Variants in IKZF1 observed in about 807,000 individuals in gnomAD.
IKZF1 encodes IKAROS family zinc finger 1.
Under a neutral mutation model 51.7 loss-of-function variants are expected in IKZF1, and 10 were observed. The observed-to-expected ratio is 0.19, with a 90% CI of 0.12 to 0.33. The LOEUF is 0.33. IKZF1 is among the 10% of genes least tolerant of loss of function. The pLI is 1.00. For synonymous variants in IKZF1, 280 were observed against 282.3 expected, an observed-to-expected ratio of 0.99 and a Z score of 0.08; for missense variants, 484 against 707.5, an observed-to-expected ratio of 0.68 and a Z score of 3.58.
At chr7:50,324,425 T>C (rs1794298871) in intron 2 of IKZF1, among the ~76,000 whole-genome samples, 1 of 152,210 alleles carries the variant, frequency 6.6e-6, no homozygotes, top group Non-Finnish European at 1.5e-5. Flanking sequence ...ACCATCCAGT[T>C]CTGACTCTTT....
At position 50,304,910 on chromosome 7, in the gene IKZF1, C is replaced by G. The variant is rs1788408821; in HGVS notation, c.-27C>G. The G allele has an allele frequency of 6.6e-6, 1 of 152,412 alleles. No individual in the cohort carries two copies. Among genetic ancestry groups the G allele is most frequent in the African/African-American group, 2.4e-5 (1 of 41,336 alleles). The allele number at this position is 152,412 out of a possible 1,614,324, so 9.4% of individuals were successfully genotyped here. A position where few individuals can be genotyped will look rare whatever the true frequency, so the allele number is the denominator to read the frequency against. On this transcript the variant is annotated 5_prime_UTR_variant, in exon 1 of 8. Transcript: ENST00000331340. ...GATCAGTCTTGGCCCCAAAGCGCGA[C>G]GCACAAATCCACGTGAGTGTTTTCA...
At chr7:50,375,535 A>G (rs1467528721) in intron 3 of IKZF1, among the ~76,000 whole-genome samples, 3 of 152,228 alleles carry the variant, frequency 2.0e-5, no homozygotes, top group Non-Finnish European at 4.4e-5. Flanking sequence ...GGATTCACCA[A>G]TGTATCATCA....
rs553572846 is a variant in IKZF1 at position 50,309,141 on chromosome 7, G to A, written c.-15+4219G>A. Among the ~76,000 whole-genome samples the A allele has an allele frequency of 6.6e-5, 10 of 152,290 alleles. No homozygotes were observed. In the East Asian group the frequency reaches 9.6e-4, roughly 15 times the overall value. On this transcript the variant is annotated intron_variant, in intron 1 of 7. Transcript: ENST00000331340. ...CTGATAGCTCGTGGCGCGGGGCCAC[G>A]GCTTAACAAATGGCTGAAAATGGGT...
At chr7:50,397,802 A>G (rs1562905144) in intron 7 of IKZF1, among the ~76,000 whole-genome samples, 1 of 152,212 alleles carries the variant, frequency 6.6e-6, no homozygotes, top group Non-Finnish European at 1.5e-5. Context: ...CCCTACCATC[A>G]GCTTCATAGG....
chr7:50,400,866 T>A lies in IKZF1; in HGVS notation c.*239T>A. 1 of 558,966 alleles carries A rather than the reference T, an allele frequency of 1.8e-6. No individual in the cohort carries two copies. The highest frequency in any genetic ancestry group is 3.1e-6 in the Non-Finnish European group (1 of 321,322). 34.6% of individuals were successfully genotyped at this position (558,966 alleles called of 1,614,324 possible). A position where few individuals can be genotyped will look rare whatever the true frequency, so the allele number is the denominator to read the frequency against. ...GGAGCATCCAGAACTGCTACCTTCCTAGATGTTTCCCCAGACCGCTGGCTG... is the reference window on the plus strand; with the variant it reads ...GGAGCATCCAGAACTGCTACCTTCCAAGATGTTTCCCCAGACCGCTGGCTG... On this transcript the variant is annotated 3_prime_UTR_variant, in exon 8 of 8. Coordinates refer to ENST00000331340, the MANE Select transcript of IKZF1 (RefSeq NM_006060.6). The surrounding 1 kb of genome is among the most constrained non-coding windows in gnomAD (Gnocchi z 5.4).
chr7:50,314,788 C>G, intron 1 of IKZF1, among the ~76,000 whole-genome samples: 1 of 152,320 alleles, frequency 6.6e-6, no homozygotes, highest in African/African-American at 2.4e-5. Flanking sequence ...GCCACACTCT[C>G]CTTTGGGATG....
chr7:50,305,910 G>A (rs935472139), intron 1 of IKZF1, among the ~76,000 whole-genome samples: 1 of 152,152 alleles, frequency 6.6e-6, no homozygotes, highest in African/African-American at 2.4e-5. Flanking sequence ...TGAGTCGAGG[G>A]GTGGGGGGGA....
chr7:50,349,824 A>G (rs11765988), intron 3 of IKZF1, among the ~76,000 whole-genome samples: 41,414 of 152,142 alleles, frequency 0.27, 5,969 homozygotes, highest in Middle Eastern at 0.34. Flanking sequence ...GAGGGCATTC[A>G]TGCTTATGTT....
At chr7:50,397,880 A>T (rs1817123007) in intron 7 of IKZF1, among the ~76,000 whole-genome samples, 1 of 152,122 alleles carries the variant, frequency 6.6e-6, no homozygotes, top group Non-Finnish European at 1.5e-5. Flanking sequence ...CTCTAATCAG[A>T]GTATGTGCCA....
chr7:50,334,567 G>T (rs1282755731), intron 3 of IKZF1, among the ~76,000 whole-genome samples: 1 of 150,472 alleles, frequency 6.6e-6, no homozygotes, highest in African/African-American at 2.4e-5. Context: ...TGTATATGGG[G>T]TGTGTATGTG....
rs115114899 is a variant in IKZF1, at chr7:50,312,091, A to T, written c.-14-6957A>T. The stretch of plus-strand genomic sequence containing the variant: ...GCTGCACAGCTCCTGACCATGCATG[A>T]AGGTCCTCTGAAATCGGTAAGAGGG... On this transcript the variant is annotated intron_variant, in intron 1 of 7. Transcript: ENST00000331340. Among the ~76,000 whole-genome samples the T allele has an allele frequency of 5.9e-3, 904 of 152,284 alleles. 9 individuals carry two copies. The highest frequency in any genetic ancestry group is 0.021 in the African/African-American group (864 of 41,546).
intron 1 of IKZF1, chr7:50,318,257 T>C: frequency 4.3e-6 from 1 of 231,524 alleles, no homozygotes; most frequent in East Asian, 6.1e-5. Flanking sequence ...ACATTCACTA[T>C]GGTCATCGAA....
chr7:50,402,272 T>C lies in IKZF1; in HGVS notation c.*1645T>C, dbSNP rs1818264107. 10 of 230,958 alleles carry C rather than the reference T, an allele frequency of 4.3e-5. No individual in the cohort carries two copies. The highest frequency in any genetic ancestry group is 4.3e-4 in the East Asian group (7 of 16,386). The allele number at this position is 230,958 out of a possible 1,614,324, so 14.3% of individuals were successfully genotyped here. ...GTGAAATGAAGCAACAGAGAGGAAA[T>C]TGTACATAAGTACCTCAGCATTTAA... On this transcript the variant is annotated 3_prime_UTR_variant, in exon 8 of 8. Transcript: ENST00000331340.
chr7:50,363,848 A>G (rs546020911), intron 3 of IKZF1, among the ~76,000 whole-genome samples: 1 of 152,260 alleles, frequency 6.6e-6, no homozygotes, highest in East Asian at 1.9e-4. Flanking sequence ...ATCCACCTCC[A>G]CCTTGCTGTC....
chr7:50,389,785 G>A (rs1814508615), intron 6 of IKZF1, among the ~76,000 whole-genome samples: 1 of 152,140 alleles, frequency 6.6e-6, no homozygotes, highest in East Asian at 1.9e-4. Flanking sequence ...AGGCAGGCAG[G>A]GGCTTGGTCA....
intron 1 of IKZF1, among the ~76,000 whole-genome samples, chr7:50,306,697 A>G (rs2153318382): frequency 6.6e-6 from 1 of 152,350 alleles, no homozygotes; most frequent in East Asian, 1.9e-4. Context: ...CAGTGAATGT[A>G]TTAGCCAAGA....
At chr7:50,315,996 G>A (rs1269794322) in intron 1 of IKZF1, among the ~76,000 whole-genome samples, 1 of 152,248 alleles carries the variant, frequency 6.6e-6, no homozygotes, top group Non-Finnish European at 1.5e-5. Flanking sequence ...AAGCTGTCTT[G>A]GAAGAGGCCA....
chr7:50,366,745 C>T (rs1040349400), intron 3 of IKZF1, among the ~76,000 whole-genome samples: 1 of 152,138 alleles, frequency 6.6e-6, no homozygotes, highest in South Asian at 2.1e-4. Context: ...CTCCCATTAT[C>T]GAGATGCTAG....
rs1818498259 is a variant in IKZF1, at chr7:50,403,583, TA to T, written c.*2958del. 4.4e-6 allele frequency: 1 copy of T among 229,542 alleles called. No homozygotes were observed. The highest frequency in any genetic ancestry group is 8.6e-6 in the Non-Finnish European group (1 of 115,654). 14.2% of individuals were successfully genotyped at this position (229,542 alleles called of 1,614,324 possible). A position where few individuals can be genotyped will look rare whatever the true frequency, so the allele number is the denominator to read the frequency against. ...AGCTCCTTGCCCCATATCCCTTCTG[TA>T]ATTTGTACCTAAAGAGTGTGATTAT... On this transcript the variant is annotated 3_prime_UTR_variant, in exon 8 of 8. Coordinates refer to ENST00000331340, the MANE Select transcript of IKZF1 (RefSeq NM_006060.6).
Sources: gnomAD v4.1 joint callset for allele counts (sites outside exome capture counted in the v4.1 genomes callset) on GRCh38, gnomAD v4.1.1 for gene constraint, Gnocchi (gnomAD v3.1) non-coding constraint, MANE v1.5 for transcripts, NCBI Gene and HGNC (gene_info 2026-07-23, HGNC 2026-07-21) for gene names.